Variants in SCFD1 observed in about 807,000 individuals in gnomAD.
SCFD1 encodes sec1 family domain containing 1, also known as sec1 family domain-containing protein 1.
Under a neutral mutation model 103.2 loss-of-function variants are expected in SCFD1, and 37 were observed. That is an observed-to-expected ratio of 0.36 (90% CI 0.28 to 0.47). The LOEUF (loss-of-function observed/expected upper bound fraction) is 0.47. Among genes scored for constraint, SCFD1 ranks in the 20% least tolerant of loss-of-function variants. The pLI is 1.00. For missense variants in SCFD1, 639 were observed against 761.2 expected (o/e 0.84, Z 1.89); for synonymous variants, 264 against 245.0 (o/e 1.08, Z -0.73).
chr14:30,700,647 C>G (rs2139335658), intron 16 of SCFD1, among the ~76,000 whole-genome samples: 1 of 152,098 alleles, frequency 6.6e-6, no homozygotes, highest in African/African-American at 2.4e-5. Flanking sequence ...GCACTCTAGC[C>G]TGGGTGACAG....
chr14:30,669,681 T>C (rs1271799757), intron 10 of SCFD1: 1 of 152,214 alleles, frequency 6.6e-6, no homozygotes, highest in Non-Finnish European at 1.5e-5. Context: ...CTTATTATTA[T>C]AGCATCTATT....
At chr14:30,701,249 G>A (rs1027865472) in intron 16 of SCFD1, among the ~76,000 whole-genome samples, 1 of 152,150 alleles carries the variant, frequency 6.6e-6, no homozygotes, top group African/African-American at 2.4e-5. Context: ...GCTTTACCCT[G>A]GGAACACAAA....
intron 21 of SCFD1, among the ~76,000 whole-genome samples, chr14:30,720,431 T>G (rs1018545769): frequency 6.6e-6 from 1 of 152,210 alleles, no homozygotes; most frequent in Non-Finnish European, 1.5e-5. Context: ...AACTTTTTTC[T>G]ATATTAATGA....
intron 7 of SCFD1, among the ~76,000 whole-genome samples, chr14:30,645,752 A>G (rs1259101155): frequency 1.3e-5 from 2 of 152,226 alleles, no homozygotes; most frequent in Admixed American, 1.3e-4. Context: ...TTTGTGAGGT[A>G]TAAGATCATA....
chr14:30,716,778 A>G (rs535836954), intron 20 of SCFD1, among the ~76,000 whole-genome samples: 1 of 152,328 alleles, frequency 6.6e-6, no homozygotes, highest in South Asian at 2.1e-4. Context: ...TCAGAACATG[A>G]CTGTAATAAC....
chr14:30,673,188 A>G (rs1594668257), intron 11 of SCFD1, 69 bp from the exon 12 acceptor site: 1 of 651,132 alleles, frequency 1.5e-6, no homozygotes, highest in East Asian at 2.7e-5. Context: ...CATTGTATAT[A>G]TTTTAGAATT....
At chr14:30,732,166 T>TA (rs1479522926) in intron 23 of SCFD1, among the ~76,000 whole-genome samples, 1 of 152,234 alleles carries the variant, frequency 6.6e-6, no homozygotes, top group East Asian at 1.9e-4. Context: ...ATGTTGATCT[T>TA]ACGTTTCACA....
chr14:30,646,836 CTTGGCAGGTTCTATGT>C (rs1463800186), intron 7 of SCFD1, among the ~76,000 whole-genome samples: 1 of 152,038 alleles, frequency 6.6e-6, no homozygotes, highest in Non-Finnish European at 1.5e-5. Flanking sequence ...CTTGTTAAAC[CTTGGCAGGTTCTATGT>C]TTCCAGAAAT....
intron 10 of SCFD1, among the ~76,000 whole-genome samples, chr14:30,666,832 C>T (rs892294167): frequency 6.6e-6 from 1 of 152,128 alleles, no homozygotes; most frequent in African/African-American, 2.4e-5. Context: ...GACACATATA[C>T]CCTCCCAAGA....
chr14:30,643,964 G>A (rs1373142958), intron 7 of SCFD1: 6 of 456,562 alleles, frequency 1.3e-5, no homozygotes, highest in Admixed American at 2.3e-5. Context: ...CGTCACCCAG[G>A]CCATGGGCAT....
At chr14:30,640,800 G>T (rs1411783704) in intron 6 of SCFD1, among the ~76,000 whole-genome samples, 2 of 151,990 alleles carry the variant, frequency 1.3e-5, no homozygotes, top group South Asian at 4.1e-4. Flanking sequence ...TGTAATGAGT[G>T]TAAAATTTGC....
intron 23 of SCFD1, among the ~76,000 whole-genome samples, chr14:30,733,624 T>C (rs967315444): frequency 1.3e-5 from 2 of 152,160 alleles, no homozygotes; most frequent in Admixed American, 1.3e-4. Context: ...TATTAACTAG[T>C]GATGAATTCT....
At chr14:30,622,298 C>A (rs200600178), upstream of SCFD1, 908 of 1,592,934 alleles carry the variant, frequency 5.7e-4, no homozygotes, top group Non-Finnish European at 7.4e-4. Context: ...GTCATCCCCC[C>A]GCTCCGCTCC....
At chr14:30,715,499 A>T (rs1371413244) in intron 19 of SCFD1, 1 of 150,754 alleles carries the variant, frequency 6.6e-6, no homozygotes, top group East Asian at 2.0e-4. Flanking sequence ...TGAACCCAGG[A>T]GGCAGAGGCT....
intron 15 of SCFD1, among the ~76,000 whole-genome samples, chr14:30,696,212 T>C (rs551457406): frequency 6.6e-6 from 1 of 152,348 alleles, no homozygotes; most frequent in East Asian, 1.9e-4. Context: ...TTAAAGATTC[T>C]ATTTATACAA....
At chr14:30,693,522 T>G (rs970785465) in intron 14 of SCFD1, among the ~76,000 whole-genome samples, 4 of 152,208 alleles carry the variant, frequency 2.6e-5, no homozygotes, top group African/African-American at 9.6e-5. Context: ...AATTCACTCC[T>G]TAGTCTACTG....
At chr14:30,675,644 T>G (rs1239571610) in intron 14 of SCFD1, among the ~76,000 whole-genome samples, 1 of 149,824 alleles carries the variant, frequency 6.7e-6, no homozygotes, top group East Asian at 1.9e-4. Flanking sequence ...ATTCTGCTAT[T>G]ATTTGTTCTC....
Position 30,677,453 on chromosome 14 carries a change from A to G in SCFD1, c.1242+2388A>G, listed in dbSNP as rs1252397096. On this transcript the variant is annotated intron_variant, in intron 14 of 24. Transcript: ENST00000458591. ...GGGAAAATAATGTCATCTGTAGAAC[A>G]CACTACTCCTAGTTGGGTCATTCTA... Among the ~76,000 whole-genome samples, 4 of 152,240 alleles carry G rather than the reference A, an allele frequency of 2.6e-5. No individual in the cohort carries two copies. The East Asian group carries it at 7.7e-4, about 29-fold the overall frequency.
chr14:30,637,439 C>T (rs959610290), intron 4 of SCFD1, among the ~76,000 whole-genome samples: 1 of 152,044 alleles, frequency 6.6e-6, no homozygotes, highest in African/African-American at 2.4e-5. Flanking sequence ...AGGCTCCAAC[C>T]CCTCAATGTT....
Sources: allele counts gnomAD v4.1 joint callset (sites outside exome capture counted in the v4.1 genomes callset), GRCh38; gene constraint gnomAD v4.1.1; transcripts MANE v1.5; gene names NCBI Gene and HGNC (gene_info 2026-07-23, HGNC 2026-07-21).